Variants in FHOD3 observed in about 807,000 individuals in gnomAD.
FHOD3 encodes formin homology 2 domain containing 3, also known as FH1/FH2 domain-containing protein 3.
Under a neutral mutation model 173.0 loss-of-function variants are expected in FHOD3, and 90 were observed. The observed-to-expected ratio is 0.52, with a 90% CI of 0.44 to 0.62. FHOD3 has a LOEUF of 0.62. FHOD3 is among the 20% of genes least tolerant of loss of function. The pLI, the probability that FHOD3 is intolerant of heterozygous loss-of-function variation, is 0.00. For missense variants in FHOD3, 1,945 were observed against 2,034.7 expected (o/e 0.96, Z 0.85); for synonymous variants, 828 against 823.0 (o/e 1.01, Z -0.10).
intron 17 of FHOD3, among the ~76,000 whole-genome samples, chr18:36,696,477 G>A (rs2039288638): frequency 6.6e-6 from 1 of 152,138 alleles, no homozygotes; most frequent in South Asian, 2.1e-4. Context: ...AAGAAGATAG[G>A]AAAACATTAA....
chr18:36,742,695 A>G (rs1302565767), intron 21 of FHOD3, 42 bp from the exon 22 acceptor site: 7 of 1,589,498 alleles, frequency 4.4e-6, no homozygotes, highest in African/African-American at 1.4e-5. Flanking sequence ...AGTAAACCCA[A>G]ATTGTACACT....
At chr18:36,696,857 G>A (rs1267789667) in intron 17 of FHOD3, among the ~76,000 whole-genome samples, 1 of 152,214 alleles carries the variant, frequency 6.6e-6, no homozygotes, top group African/African-American at 2.4e-5. Flanking sequence ...CCAGCCCAAA[G>A]TTTGGGCAAA....
At chr18:36,598,256 C>T (rs1458412048) in intron 7 of FHOD3, among the ~76,000 whole-genome samples, 2 of 152,112 alleles carry the variant, frequency 1.3e-5, no homozygotes, top group East Asian at 1.9e-4. Context: ...TAGTTTCTTT[C>T]GGATAATGAA....
At chr18:36,464,714 G>A (rs2052798995) in intron 3 of FHOD3, among the ~76,000 whole-genome samples, 1 of 152,092 alleles carries the variant, frequency 6.6e-6, no homozygotes, top group African/African-American at 2.4e-5. Flanking sequence ...TCCTTAGGAG[G>A]GAAGGAGGCC....
intron 1 of FHOD3, among the ~76,000 whole-genome samples, chr18:36,317,174 C>G (rs1247876755): frequency 2.0e-5 from 3 of 152,270 alleles, no homozygotes; most frequent in African/African-American, 7.2e-5. Context: ...AATAGTGCCA[C>G]AATAAACATA....
rs1000131047 is a variant in FHOD3, at chr18:36,693,417, C to T, written c.2230C>T (p.Pro744Ser). Residue 744 changes from proline (P) to serine (S), a missense_variant, in exon 17 of 29, where the codon CCC (proline) becomes TCC (serine). By Grantham distance (74) the Pro-to-Ser change is moderately conservative. This residue lies in a region of FHOD3 where 1,099 missense variants were observed against 1,051.2 expected (regional missense o/e 1.05). Transcript: ENST00000590592. ...SASSPGTPHH[P>S]QASAGDPEPE... ...CTCCTCCCCAGGAACCCCTCACCAT[C>T]CCCAAGGTGAGTACAGGGAGAGTAG... 6.2e-7 allele frequency: 1 copy of T among 1,612,774 alleles called. No individual in the cohort carries two copies. Among genetic ancestry groups the T allele is most frequent in the East Asian group, 2.2e-5 (1 of 44,834 alleles).
At chr18:36,583,282 C>A (rs1054893658) in intron 6 of FHOD3, among the ~76,000 whole-genome samples, 5 of 152,108 alleles carry the variant, frequency 3.3e-5, no homozygotes, top group Non-Finnish European at 7.4e-5. Flanking sequence ...CAGTCAGTGC[C>A]AGAGCTTTGG....
In FHOD3 at chr18:36,779,192, G is replaced by A. The variant is rs531281467; in HGVS notation, c.4787-256G>A. On this transcript the variant is annotated intron_variant, in intron 28 of 28. Transcript: ENST00000590592. Reference sequence around the variant, plus strand: ...CTTTCTCTCCTCTTTATAAGTGCCCGCATCACTCCTCTCGGCCCTCCAAAT... The same window carrying A: ...CTTTCTCTCCTCTTTATAAGTGCCCACATCACTCCTCTCGGCCCTCCAAAT... 9.1e-5 allele frequency: 48 copies of A among 526,256 alleles called. No individual in the cohort carries two copies. In the South Asian group the frequency reaches 1.1e-3, roughly 12 times the overall value. 32.6% of individuals were successfully genotyped at this position (526,256 alleles called of 1,614,324 possible).
intron 16 of FHOD3, among the ~76,000 whole-genome samples, chr18:36,687,796 C>G (rs2038720975): frequency 6.6e-6 from 1 of 152,140 alleles, no homozygotes; most frequent in Admixed American, 6.5e-5. Flanking sequence ...CTGTAAACTA[C>G]TTTATTTCTT....
At chr18:36,451,649 C>T (rs1366514087) in intron 3 of FHOD3, among the ~76,000 whole-genome samples, 5 of 152,268 alleles carry the variant, frequency 3.3e-5, no homozygotes, top group Non-Finnish European at 7.3e-5. Context: ...TGCATACCCG[C>T]AGTATTCAGA....
intron 3 of FHOD3, among the ~76,000 whole-genome samples, chr18:36,388,991 C>A (rs896850557): frequency 6.6e-6 from 1 of 151,962 alleles, no homozygotes; most frequent in South Asian, 2.1e-4. Context: ...GATGGGGGGG[C>A]CCTGATAGGC....
chr18:36,535,396 C>T (rs1227775165), intron 5 of FHOD3, among the ~76,000 whole-genome samples: 1 of 152,150 alleles, frequency 6.6e-6, no homozygotes, highest in African/African-American at 2.4e-5. Flanking sequence ...AGCGCTTCCC[C>T]TAACAGTCAC....
chr18:36,431,524 G>A (rs2050550857), intron 3 of FHOD3, among the ~76,000 whole-genome samples: 1 of 152,206 alleles, frequency 6.6e-6, no homozygotes, highest in Admixed American at 6.5e-5. Context: ...GAGGTTGCTG[G>A]TGGACAGATT....
rs143876205 is a variant in FHOD3, at chr18:36,441,039, A to G, written c.338-60893A>G. Among the ~76,000 whole-genome samples the G allele has an allele frequency of 6.4e-3, 976 of 152,118 alleles. 4 individuals are homozygous for G. Among genetic ancestry groups the G allele is most frequent in the African/African-American group, 0.021 (888 of 41,494 alleles). On this transcript the variant is annotated intron_variant, in intron 3 of 28. Coordinates refer to ENST00000590592, the MANE Select transcript of FHOD3 (RefSeq NM_001281740.3). Reference sequence around the variant, plus strand: ...TTGCTTTTTTATAATATTTTCCCCAATTGCATGGTTGTGTGTGTAAGGTCA... The same window carrying G: ...TTGCTTTTTTATAATATTTTCCCCAGTTGCATGGTTGTGTGTGTAAGGTCA...
At chr18:36,549,981 T>C (rs1200977945) in intron 5 of FHOD3, among the ~76,000 whole-genome samples, 1 of 151,796 alleles carries the variant, frequency 6.6e-6, no homozygotes, top group Non-Finnish European at 1.5e-5. Flanking sequence ...TTACATGTAG[T>C]CTGGATCAAA....
chr18:36,612,159 C>T (rs898835538), intron 9 of FHOD3, 64 bp downstream of exon 9: 30 of 1,556,692 alleles, frequency 1.9e-5, no homozygotes, highest in Middle Eastern at 1.7e-4. Context: ...GCTGAGATGG[C>T]GCCTACTTTA....
chr18:36,420,074 T>G (rs2049908128), intron 3 of FHOD3, among the ~76,000 whole-genome samples: 1 of 152,240 alleles, frequency 6.6e-6, no homozygotes, highest in African/African-American at 2.4e-5. Flanking sequence ...CAGTGTTTTA[T>G]GAAGCTGAGC....
At chr18:36,698,862 G>A (rs12456667) in intron 17 of FHOD3, among the ~76,000 whole-genome samples, 26 of 152,326 alleles carry the variant, frequency 1.7e-4, no homozygotes, top group Admixed American at 1.7e-3. Flanking sequence ...GATGTGAATA[G>A]GGCCCAGTAA....
intron 5 of FHOD3, among the ~76,000 whole-genome samples, chr18:36,549,376 C>T (rs1473827458): frequency 6.6e-6 from 1 of 151,942 alleles, no homozygotes; most frequent in African/African-American, 2.4e-5. Context: ...TATGTGATTG[C>T]AAATATTTCC....
Sources: allele counts gnomAD v4.1 joint callset (sites outside exome capture counted in the v4.1 genomes callset), GRCh38; gene constraint gnomAD v4.1.1; regional missense constraint gnomAD v4.1.1; transcripts MANE v1.5; gene names NCBI Gene and HGNC (gene_info 2026-07-23, HGNC 2026-07-21).